ZSCAN5A: variants seen among roughly 807,000 people sequenced by gnomAD.
ZSCAN5A encodes the protein zinc finger and SCAN domain containing 5A.
In ZSCAN5A, 12 loss-of-function variants were observed where a neutral mutation model predicts 23.7. That is an observed-to-expected ratio of 0.51 (90% CI 0.32 to 0.82). The LOEUF (loss-of-function observed/expected upper bound fraction) is 0.82, where lower values mean the gene tolerates loss of function less well. Ranked by LOEUF, ZSCAN5A falls within the 40% of genes least tolerant of loss-of-function variation. The pLI, the probability that ZSCAN5A is intolerant of heterozygous loss-of-function variation, is 0.03. For synonymous variants in ZSCAN5A, 257 were observed against 239.9 expected, an observed-to-expected ratio of 1.07 and a Z score of -0.66; for missense variants, 597 against 617.9, an observed-to-expected ratio of 0.97 and a Z score of 0.36.
At chr19:56,304,902 TGGCATTTG>T (rs1425698939) in intron 2 of ZSCAN5A, 450 of 574,286 alleles carry the variant, frequency 7.8e-4, no homozygotes, top group Non-Finnish European at 9.2e-4. Context: ...CCCAACTGCC[TGGCATTTG>T]AGGTAAGGAA....
chr19:56,313,022 C>T (rs1046376852), intron 2 of ZSCAN5A, among the ~76,000 whole-genome samples: 1 of 152,208 alleles, frequency 6.6e-6, no homozygotes, highest in African/African-American at 2.4e-5. Context: ...GTCTGGGCTC[C>T]CATCTCCAGA....
chr19:56,223,842 G>A lies in ZSCAN5A; in HGVS notation c.385-8C>T, dbSNP rs770292811. 5 of 1,606,878 alleles carry A rather than the reference G, an allele frequency of 3.1e-6. No individual in the cohort carries two copies. The highest frequency in any genetic ancestry group is 4.2e-6 in the Non-Finnish European group (5 of 1,178,842). ...GTGGAAGGTGACCACAGACTGTAGA[G>A]AGAAAAAAGACAATCAGACTCACCA... On this transcript the variant is annotated splice_polypyrimidine_tract_variant and splice_region_variant and intron_variant, in intron 3 of 5. Coordinates refer to ENST00000683990, the MANE Select transcript of ZSCAN5A (RefSeq NM_001322064.3).
intron 1 of ZSCAN5A, 26 bp downstream of exon 1, chr19:56,314,655 G>A (rs921813476): frequency 3.3e-5 from 5 of 152,280 alleles, no homozygotes; most frequent in African/African-American, 1.2e-4. Context: ...TCACCGCAAG[G>A]GCGGAAGGGA....
At chr19:56,245,943 C>A (rs2035854787) in intron 2 of ZSCAN5A, among the ~76,000 whole-genome samples, 2 of 152,066 alleles carry the variant, frequency 1.3e-5, no homozygotes, top group Non-Finnish European at 2.9e-5. Context: ...AGCGCCCCCT[C>A]CAGGAGGGTG....
chr19:56,227,424 G>A (rs76952444), intron 2 of ZSCAN5A, among the ~76,000 whole-genome samples: 8,293 of 152,014 alleles, frequency 0.055, 405 homozygotes, highest in East Asian at 0.29. Flanking sequence ...CTGCTCAGGA[G>A]GCAGAGGCGG....
At chr19:56,295,602 A>C (rs1026314427) in intron 2 of ZSCAN5A, among the ~76,000 whole-genome samples, 1 of 152,116 alleles carries the variant, frequency 6.6e-6, no homozygotes, top group Non-Finnish European at 1.5e-5. Context: ...CTAAAAAACA[A>C]AAAACAAAAC....
At chr19:56,287,059 T>C (rs75890517) in intron 2 of ZSCAN5A, among the ~76,000 whole-genome samples, 28,100 of 152,228 alleles carry the variant, frequency 0.18, 2,705 homozygotes, top group Middle Eastern at 0.35. Flanking sequence ...ATTTGACTCC[T>C]TCCCACCCCC....
At chr19:56,276,239 G>C (rs1429737873) in intron 2 of ZSCAN5A, among the ~76,000 whole-genome samples, 1 of 152,144 alleles carries the variant, frequency 6.6e-6, no homozygotes, top group Admixed American at 6.5e-5. Context: ...ACCTGCCATG[G>C]GGTCTGGACA....
chr19:56,294,802 A>G (rs2039749612), intron 2 of ZSCAN5A, among the ~76,000 whole-genome samples: 1 of 152,270 alleles, frequency 6.6e-6, no homozygotes, highest in Admixed American at 6.5e-5. Context: ...TTATTCAGCC[A>G]CAAAGAAAGT....
intron 2 of ZSCAN5A, among the ~76,000 whole-genome samples, chr19:56,334,708 T>G (rs531079461): frequency 1.3e-5 from 2 of 152,116 alleles, no homozygotes; most frequent in Non-Finnish European, 2.9e-5. Context: ...CTGAGATGAC[T>G]AGGGACTGGA....
chr19:56,228,761 G>A (rs907134330), intron 2 of ZSCAN5A, among the ~76,000 whole-genome samples: 8 of 151,666 alleles, frequency 5.3e-5, no homozygotes, highest in Non-Finnish European at 1.0e-4. Flanking sequence ...ATTTTTTACT[G>A]AAAAAAAGAG....
At chr19:56,263,278 G>T (rs949536860) in intron 2 of ZSCAN5A, 3 of 152,226 alleles carry the variant, frequency 2.0e-5, no homozygotes, top group Non-Finnish European at 2.9e-5. Context: ...CATTTTAAGG[G>T]CAAGCGCTGA....
chr19:56,353,545 G>A (rs189256470), intron 2 of ZSCAN5A, among the ~76,000 whole-genome samples: 17 of 152,232 alleles, frequency 1.1e-4, no homozygotes, highest in African/African-American at 2.4e-4. Context: ...CGAGGCGGGC[G>A]AATCAGGAGG....
chr19:56,224,467 GCTTAGCAGCGTCT>G, intron 3 of ZSCAN5A, 183 bp downstream of exon 3: 1 of 805,110 alleles, frequency 1.2e-6, no homozygotes, highest in Non-Finnish European at 1.9e-6. Context: ...GTTAGAGAAC[GCTTAGCAGCGTCT>G]CCTGTCCTCC....
intron 2 of ZSCAN5A, chr19:56,286,748 C>T (rs1189324221): frequency 6.6e-6 from 1 of 152,202 alleles, no homozygotes; most frequent in Non-Finnish European, 1.5e-5. Flanking sequence ...AAACCTTTCT[C>T]ACCATGTGGT....
chr19:56,366,510 T>G (rs991940663), intron 1 of ZSCAN5A, among the ~76,000 whole-genome samples: 9 of 151,546 alleles, frequency 5.9e-5, no homozygotes, highest in Non-Finnish European at 1.2e-4. Context: ...GTGGCTCCAG[T>G]AGCCTGAATT....
chr19:56,359,292 A>T (rs934593816), intron 2 of ZSCAN5A, among the ~76,000 whole-genome samples: 9 of 152,236 alleles, frequency 5.9e-5, no homozygotes, highest in African/African-American at 2.2e-4. Context: ...AGAGAAAATG[A>T]TAAACACTTC....
chr19:56,319,674 C>T (rs753385986), upstream of ZSCAN5A: 174 of 572,350 alleles, frequency 3.0e-4, no homozygotes, highest in Middle Eastern at 4.7e-4. Flanking sequence ...GAAAAGTGTG[C>T]TTTTCTTTGT....
At chr19:56,307,690 C>T (rs572082876) in intron 2 of ZSCAN5A, among the ~76,000 whole-genome samples, 171 of 152,278 alleles carry the variant, frequency 1.1e-3, no homozygotes, top group Middle Eastern at 6.8e-3. Flanking sequence ...AGTGTACATG[C>T]CCTTCAGGTA....
Sources: gnomAD v4.1 joint callset for allele counts (sites outside exome capture counted in the v4.1 genomes callset) on GRCh38, gnomAD v4.1.1 for gene constraint, MANE v1.5 for transcripts, NCBI Gene and HGNC (gene_info 2026-07-23, HGNC 2026-07-21) for gene names.